SH3TC2: variants seen among roughly 807,000 people sequenced by gnomAD.
The protein encoded by SH3TC2 is SH3 domain and tetratricopeptide repeat-containing protein 2.
A neutral mutation model predicts 124.5 loss-of-function variants in SH3TC2; 87 were observed. That is an observed-to-expected ratio of 0.70 (90% CI 0.59 to 0.84). SH3TC2 has a LOEUF of 0.84. SH3TC2 is among the 40% of genes least tolerant of loss of function. SH3TC2 has a pLI of 0.00. For synonymous variants in SH3TC2, 634 were observed against 628.5 expected, an observed-to-expected ratio of 1.01 and a Z score of -0.13; for missense variants, 1,536 against 1,566.4, an observed-to-expected ratio of 0.98 and a Z score of 0.33.
At chr5:149,052,382 C>T in intron 1 of SH3TC2, 142 bp from the exon 2 acceptor site, 1 of 678,904 alleles carries the variant, frequency 1.5e-6, no homozygotes, top group Non-Finnish European at 2.7e-6. Context: ...ATCACCATTG[C>T]CTTGTAATTA....
Position 149,027,679 on chromosome 5 carries a change from G to C in SH3TC2, c.2053C>G (p.Leu685Val). 6.2e-7 allele frequency: 1 copy of C among 1,614,178 alleles called. No individual in the cohort carries two copies. The highest frequency in any genetic ancestry group is 1.7e-5 in the Admixed American group (1 of 60,032). Residue 685 changes from leucine (L) to valine (V), a missense_variant, in exon 11 of 17, where the codon CTT becomes GTT. Leu to Val is a conservative substitution (Grantham distance 32, BLOSUM62 1). Around this residue, in one of 3 missense-constraint regions of SH3TC2, gnomAD observed 1,102 missense variants for 1,098.6 expected, o/e 1.00. Transcript: ENST00000515425. ...ACAGAGGCCACTGCAAGGTGTGGAA[G>C]ATATTTCTTGTCATACAGAAAACTC... ...VLSFLYDKKY[L>V]PHLAVASVQQ... is the part of the protein sequence containing the mutation.
Position 148,997,935 on chromosome 5 carries a change from C to T in SH3TC2, c.*6776G>A, listed in dbSNP as rs1464664879. 6.6e-6 allele frequency among the ~76,000 whole-genome samples: 1 copy of T among 152,164 alleles called. No homozygotes were observed. The highest frequency in any genetic ancestry group is 1.5e-5 in the Non-Finnish European group (1 of 68,038). ...TGTTATTTTTATTTTGAGATGTACA[C>T]ACTCTCTGGTCTCAAAAAGAAGTAA... On this transcript the variant is annotated 3_prime_UTR_variant, in exon 17 of 17. Coordinates refer to ENST00000515425, the MANE Select transcript of SH3TC2 (RefSeq NM_024577.4).
At chr5:149,057,341 CTT>C in intron 1 of SH3TC2, among the ~76,000 whole-genome samples, 1 of 151,552 alleles carries the variant, frequency 6.6e-6, no homozygotes, top group South Asian at 2.1e-4. Context: ...TTTTTTATGA[CTT>C]TTTTTTTCTC....
intron 8 of SH3TC2, among the ~76,000 whole-genome samples, chr5:149,033,061 G>A (rs1449022805): frequency 6.6e-6 from 1 of 152,054 alleles, no homozygotes; most frequent in Non-Finnish European, 1.5e-5. Flanking sequence ...TTATGGTGCA[G>A]GTTTTTTTAA....
At chr5:149,045,000 G>A (rs1754434248) in intron 3 of SH3TC2, 1 of 188,538 alleles carries the variant, frequency 5.3e-6, no homozygotes, top group Non-Finnish European at 1.1e-5. Flanking sequence ...GTATGTGGGA[G>A]GATAAAGGAC....
intron 8 of SH3TC2, among the ~76,000 whole-genome samples, chr5:149,033,055 G>A (rs765164116): frequency 2.0e-5 from 3 of 152,038 alleles, no homozygotes; most frequent in Non-Finnish European, 4.4e-5. Flanking sequence ...ACAACTTTAT[G>A]GTGCAGGTTT....
chr5:148,984,311 T>G lies in SH3TC2; in HGVS notation c.*20400A>C, dbSNP rs1019391321. Among the ~76,000 whole-genome samples the G allele has an allele frequency of 1.1e-4, 17 of 152,092 alleles. No individual in the cohort carries two copies. Among genetic ancestry groups the G allele is most frequent in the African/African-American group, 4.1e-4 (17 of 41,448 alleles). On this transcript the variant is annotated 3_prime_UTR_variant, in exon 17 of 17. Transcript: ENST00000515425. Reference sequence around the variant, plus strand: ...TTCTTCTGCTTAATTGAACCTACTGTTGAAGCTTTCTATTGAATTTTTCAG... The same window carrying G: ...TTCTTCTGCTTAATTGAACCTACTGGTGAAGCTTTCTATTGAATTTTTCAG...
Position 149,028,372 on chromosome 5 carries a change from T to C in SH3TC2, c.1360A>G (p.Met454Val), listed in dbSNP as rs1554121765. 5.0e-6 allele frequency: 8 copies of C among 1,614,128 alleles called. No homozygotes were observed. Among genetic ancestry groups the C allele is most frequent in the Non-Finnish European group, 6.8e-6 (8 of 1,180,014 alleles). ...PDDLDDPELL[M>V]DLSTGQEEEA... The stretch of plus-strand genomic sequence containing the variant: ...TCCTCCTGACCAGTGCTTAGGTCCA[T>C]GAGCAGTTCCGGGTCATCAAGGTCA... The change falls in exon 11 of 17, where the codon ATG (methionine) becomes GTG (valine). Residue 454 changes from methionine (M) to valine (V), a missense_variant. Coordinates refer to ENST00000515425, the MANE Select transcript of SH3TC2 (RefSeq NM_024577.4).
At chr5:149,062,474 A>C (rs1213846966) in intron 1 of SH3TC2, 9 of 474,684 alleles carry the variant, frequency 1.9e-5, no homozygotes, top group Non-Finnish European at 3.9e-5. Flanking sequence ...AACTTGATGC[A>C]CACACTCACA....
At chr5:149,017,122 C>T (rs1030420142) in intron 12 of SH3TC2, among the ~76,000 whole-genome samples, 4 of 152,092 alleles carry the variant, frequency 2.6e-5, no homozygotes, top group African/African-American at 9.7e-5. Context: ...GCTATTTATA[C>T]GTTTATTTTC....
At chr5:149,038,180 C>G in intron 8 of SH3TC2, 115 bp downstream of exon 8, 1 of 917,088 alleles carries the variant, frequency 1.1e-6, no homozygotes, top group South Asian at 1.5e-5. Flanking sequence ...ATGTGCTTTT[C>G]TGGCTCCATG....
chr5:149,030,085 T>G (rs1362612322), intron 9 of SH3TC2, among the ~76,000 whole-genome samples: 1 of 152,196 alleles, frequency 6.6e-6, no homozygotes, highest in Non-Finnish European at 1.5e-5. Flanking sequence ...GCTATAGAGC[T>G]TGGCTAAGGA....
intron 12 of SH3TC2, among the ~76,000 whole-genome samples, chr5:149,020,217 C>A (rs1753946334): frequency 6.6e-6 from 1 of 151,700 alleles, no homozygotes; most frequent in South Asian, 2.1e-4. Context: ...ATCTAGAAGA[C>A]CACATGCATG....
Position 148,994,648 on chromosome 5 carries a change from TTGGTTGG to T in SH3TC2, c.*10056_*10062del, listed in dbSNP as rs1753476076. Among the ~76,000 whole-genome samples the T allele has an allele frequency of 6.6e-6, 1 of 151,108 alleles. No homozygotes were observed. Among genetic ancestry groups the T allele is most frequent in the African/African-American group, 2.4e-5 (1 of 41,082 alleles). ...GTTGGTTGGTTGGTTGGTTGGTTGG[TTGGTTGG>T]TTGGTTAATTGGCTGGTTGGATAAA... is the stretch of plus-strand genomic sequence containing the variant. On this transcript the variant is annotated 3_prime_UTR_variant, in exon 17 of 17. Coordinates refer to ENST00000515425, the MANE Select transcript of SH3TC2 (RefSeq NM_024577.4).
chr5:149,045,648 T>C (rs770258913), intron 3 of SH3TC2: 51 of 153,294 alleles, frequency 3.3e-4, no homozygotes, highest in Non-Finnish European at 3.2e-4. Flanking sequence ...TGTTTTCTTT[T>C]GTTTTGTTTT....
At chr5:149,035,726 A>C (rs1754273047) in intron 8 of SH3TC2, 1 of 152,108 alleles carries the variant, frequency 6.6e-6, no homozygotes, top group Non-Finnish European at 1.5e-5. Flanking sequence ...CCCACAACTG[A>C]CCAGGCACAG....
chr5:149,054,860 C>T (rs1754615300), intron 1 of SH3TC2, among the ~76,000 whole-genome samples: 1 of 152,120 alleles, frequency 6.6e-6, no homozygotes, highest in Admixed American at 6.6e-5. Flanking sequence ...AATACAATAG[C>T]CTGACAATGA....
At chr5:149,010,575 T>C (rs1211400334) in intron 13 of SH3TC2, among the ~76,000 whole-genome samples, 183 bp from the exon 14 acceptor site, 2 of 152,232 alleles carry the variant, frequency 1.3e-5, no homozygotes, top group Admixed American at 1.3e-4. Context: ...CAGTCTGGCA[T>C]TTCCCCATCC....
In SH3TC2 at chr5:148,994,724, ATGGATGG is replaced by A. The variant is rs1753479303; in HGVS notation, c.*9980_*9986del. ...GATGGATGGATGGATGGATGGATGG[ATGGATGG>A]ATGGATGAATAGATGGATGAATAGA... is the stretch of plus-strand genomic sequence containing the variant. On this transcript the variant is annotated 3_prime_UTR_variant, in exon 17 of 17. Transcript: ENST00000515425. Among the ~76,000 whole-genome samples the A allele has an allele frequency of 2.0e-5, 3 of 151,850 alleles. No individual in the cohort carries two copies. The highest frequency in any genetic ancestry group is 2.0e-4 in the Admixed American group (3 of 15,228).
Sources: gnomAD v4.1 joint callset for allele counts (sites outside exome capture counted in the v4.1 genomes callset) on GRCh38, gnomAD v4.1.1 for gene constraint, gnomAD v4.1.1 regional missense constraint, MANE v1.5 for transcripts, NCBI Gene and HGNC (gene_info 2026-07-23, HGNC 2026-07-21) for gene names.